NFYC: variants seen among roughly 807,000 people sequenced by gnomAD.
The protein encoded by NFYC is CAAT box DNA-binding protein subunit C.
In NFYC, 25 loss-of-function variants were observed where a neutral mutation model predicts 53.1. The ratio of observed to expected loss-of-function variants is 0.47; its 90% CI spans 0.34 to 0.66. The LOEUF (loss-of-function observed/expected upper bound fraction) is 0.66. NFYC is among the 30% of genes least tolerant of loss of function. NFYC has a pLI of 0.01. For synonymous variants in NFYC, 145 were observed against 152.6 expected (o/e 0.95, Z 0.37); for missense variants, 260 against 422.7 (o/e 0.62, Z 3.38).
chr1:40,738,661 A>G (rs1339012384), intron 1 of NFYC, among the ~76,000 whole-genome samples, 175 bp from the exon 2 acceptor site: 1 of 152,236 alleles, frequency 6.6e-6, no homozygotes, highest in Non-Finnish European at 1.5e-5. Flanking sequence ...CTTTCCTACC[A>G]ATGTTTTTAA....
chr1:40,738,917 G>T lies in NFYC; in HGVS notation c.74G>T (p.Arg25Leu). The T allele has an allele frequency of 6.2e-7, 1 of 1,613,934 alleles. No homozygotes were observed. Among genetic ancestry groups the T allele is most frequent in the Non-Finnish European group, 8.5e-7 (1 of 1,179,836 alleles). Residue 25 changes from arginine to leucine, a missense_variant, in exon 2 of 10, where the codon CGG (arginine) becomes CTG (leucine). By Grantham distance (102) the Arg-to-Leu change is moderately radical. Coordinates refer to ENST00000447388, the MANE Select transcript of NFYC (RefSeq NM_014223.5). ...CAAAGCCTACAGTCGTTCTGGCCTCGGGTCATGGAAGAAATCCGGAATTTA... is the reference window on the plus strand; with the variant it reads ...CAAAGCCTACAGTCGTTCTGGCCTCTGGTCATGGAAGAAATCCGGAATTTA... The part of the protein sequence containing the change: ...AQQSLQSFWP[R>L]VMEEIRNLTV...
chr1:40,746,594 C>A (rs1645618902), intron 2 of NFYC, among the ~76,000 whole-genome samples: 1 of 152,184 alleles, frequency 6.6e-6, no homozygotes, highest in Admixed American at 6.5e-5. Flanking sequence ...AATCATTTGA[C>A]ACCTAGTCCC....
chr1:40,719,968 A>G (rs555378942), intron 1 of NFYC, among the ~76,000 whole-genome samples: 4 of 152,354 alleles, frequency 2.6e-5, no homozygotes, highest in South Asian at 2.1e-4. Flanking sequence ...ACATGAAACT[A>G]CTTTAAGAAG....
intron 1 of NFYC, chr1:40,721,569 G>GT (rs752228131): frequency 3.0e-5 from 4 of 134,486 alleles, no homozygotes; most frequent in Admixed American, 7.2e-5. Flanking sequence ...GTTTTTTTGG[G>GT]GTTTTTTTTT....
chr1:40,700,360 G>C (rs1424899431), intron 1 of NFYC, among the ~76,000 whole-genome samples: 1 of 151,828 alleles, frequency 6.6e-6, no homozygotes, highest in African/African-American at 2.4e-5. Flanking sequence ...TAATTTTTTT[G>C]AGATGGGGTC....
At chr1:40,704,684 T>C (rs2744796) in intron 1 of NFYC, among the ~76,000 whole-genome samples, 18,681 of 152,178 alleles carry the variant, frequency 0.12, 1,266 homozygotes, top group African/African-American at 0.15. Flanking sequence ...AAGACCTTCA[T>C]AGAGTGTTAA....
intron 1 of NFYC, among the ~76,000 whole-genome samples, chr1:40,704,134 C>T (rs961396653): frequency 2.0e-5 from 3 of 150,812 alleles, no homozygotes; most frequent in East Asian, 1.9e-4. Flanking sequence ...TGCAGTGGCG[C>T]GATCTCTGCT....
At chr1:40,731,211 G>A (rs1206474651) in intron 1 of NFYC, among the ~76,000 whole-genome samples, 1 of 151,934 alleles carries the variant, frequency 6.6e-6, no homozygotes, top group Non-Finnish European at 1.5e-5. Flanking sequence ...GAGTCTTGCT[G>A]TATCCCAGTA....
At chr1:40,759,559 A>ATGTATG (rs1553161285) in intron 6 of NFYC, among the ~76,000 whole-genome samples, 1 of 149,216 alleles carries the variant, frequency 6.7e-6, no homozygotes, top group Non-Finnish European at 1.5e-5. Context: ...AAAAAAGTAT[A>ATGTATG]TGTGTGTGTG....
At chr1:40,700,889 C>T (rs1438757172) in intron 1 of NFYC, among the ~76,000 whole-genome samples, 1 of 152,102 alleles carries the variant, frequency 6.6e-6, no homozygotes, top group Admixed American at 6.6e-5. Context: ...AGAGTGCTGC[C>T]ATCCTCCCAC....
chr1:40,692,512 C>G (rs1327371196), intron 1 of NFYC, among the ~76,000 whole-genome samples: 4 of 152,052 alleles, frequency 2.6e-5, no homozygotes, highest in African/African-American at 9.7e-5. Flanking sequence ...TCTTCGAGAT[C>G]CAGGGTTGCT....
chr1:40,761,881 G>A (rs993215316), intron 6 of NFYC, among the ~76,000 whole-genome samples: 2 of 152,046 alleles, frequency 1.3e-5, no homozygotes, highest in Non-Finnish European at 2.9e-5. Context: ...TCAGGGATTG[G>A]GTGTACAGGT....
intron 1 of NFYC, among the ~76,000 whole-genome samples, chr1:40,694,173 G>A (rs933096666): frequency 2.0e-5 from 3 of 152,262 alleles, no homozygotes; most frequent in African/African-American, 7.2e-5. Flanking sequence ...GCTCACTGGA[G>A]AGGTTTTTCA....
chr1:40,716,676 G>A (rs183174406), intron 1 of NFYC, among the ~76,000 whole-genome samples: 1 of 152,224 alleles, frequency 6.6e-6, no homozygotes, highest in East Asian at 1.9e-4. Context: ...TTTAAAATAG[G>A]TAGTAACATA....
At chr1:40,735,602 T>C (rs1450809432) in intron 1 of NFYC, 8 of 985,230 alleles carry the variant, frequency 8.1e-6, no homozygotes, top group Non-Finnish European at 8.4e-6. Context: ...ATCGTACAGG[T>C]CTTTGTACTC....
chr1:40,750,365 C>T (rs1038065756), intron 4 of NFYC, among the ~76,000 whole-genome samples: 6 of 152,152 alleles, frequency 3.9e-5, no homozygotes, highest in East Asian at 1.9e-4. Context: ...ATTTTCTCTT[C>T]TTGTTTCCCT....
chr1:40,752,871 A>T (rs1045141099), intron 4 of NFYC, among the ~76,000 whole-genome samples: 1 of 152,010 alleles, frequency 6.6e-6, no homozygotes, highest in South Asian at 2.1e-4. Flanking sequence ...TAATTTGAAA[A>T]TCGCGGGGAG....
chr1:40,762,958 A>C lies in NFYC; in HGVS notation c.632A>C (p.Gln211Pro). 1 of 1,611,936 alleles carries C rather than the reference A, an allele frequency of 6.2e-7. No individual in the cohort carries two copies. The change falls in exon 7 of 10, where the codon CAA becomes CCA. Residue 211 changes from glutamine to proline, a missense_variant. Transcript: ENST00000447388. ...VQIVQAQPQG[Q>P]AQQAQSGTGQ... ...ATTGTCCAGGCTCAGCCACAGGGTC[A>C]AGCCCAACAGGCCCAGAGTGGCACT...
chr1:40,727,773 C>T (rs953777350), intron 1 of NFYC, among the ~76,000 whole-genome samples: 5 of 152,048 alleles, frequency 3.3e-5, no homozygotes, highest in Non-Finnish European at 5.9e-5. Flanking sequence ...CCTTGTGATT[C>T]GCCCGCCTCG....
Sources: allele counts gnomAD v4.1 joint callset (sites outside exome capture counted in the v4.1 genomes callset), GRCh38; gene constraint gnomAD v4.1.1; transcripts MANE v1.5; gene names NCBI Gene and HGNC (gene_info 2026-07-23, HGNC 2026-07-21).